Variants in STK10 observed in about 807,000 individuals in gnomAD.
The protein encoded by STK10 is serine/threonine-protein kinase 10.
A neutral mutation model predicts 113.8 loss-of-function variants in STK10; 78 were observed. The observed-to-expected ratio is 0.69, with a 90% CI of 0.57 to 0.83. STK10 has a LOEUF of 0.83. Ranked by LOEUF, STK10 falls within the 40% of genes least tolerant of loss-of-function variation. STK10 has a pLI of 0.00. For missense variants in STK10, 1,109 were observed against 1,280.1 expected, an observed-to-expected ratio of 0.87 and a Z score of 2.04; for synonymous variants, 465 against 494.7, an observed-to-expected ratio of 0.94 and a Z score of 0.80.
chr5:172,174,450 G>C (rs910999955), intron 1 of STK10, among the ~76,000 whole-genome samples: 2 of 152,082 alleles, frequency 1.3e-5, no homozygotes, highest in Non-Finnish European at 2.9e-5. Flanking sequence ...GGGATTACAG[G>C]TATGAGCGAG....
chr5:172,148,503 C>T (rs545236107), intron 2 of STK10, among the ~76,000 whole-genome samples: 44 of 152,336 alleles, frequency 2.9e-4, no homozygotes, highest in Admixed American at 4.6e-4. Flanking sequence ...ATTCCAACAG[C>T]GGGATCCCAG....
intron 13 of STK10, among the ~76,000 whole-genome samples, chr5:172,061,942 G>A (rs1767945300): frequency 6.6e-6 from 1 of 151,802 alleles, no homozygotes; most frequent in Non-Finnish European, 1.5e-5. Context: ...CAGGTATATG[G>A]TAGTTCATTA....
At position 172,043,108 on chromosome 5, in the gene STK10, T is replaced by C. The variant is rs914457826; in HGVS notation, c.*1774A>G. 7.9e-5 allele frequency: 12 copies of C among 151,670 alleles called. No homozygotes were observed. Among genetic ancestry groups the C allele is most frequent in the African/African-American group, 2.2e-4 (9 of 41,234 alleles). 9.4% of individuals were successfully genotyped at this position (151,670 alleles called of 1,614,324 possible). ...TCAAAGAATTTTTTTTTTTTTTTTT[T>C]TTGAGAGACAGAGTCTCGCCCTGTC... On this transcript the variant is annotated 3_prime_UTR_variant, in exon 19 of 19. Coordinates refer to ENST00000176763, the MANE Select transcript of STK10 (RefSeq NM_005990.4).
rs549369531 is a variant in STK10, at chr5:172,114,691, G to C, written c.520+2790C>G. On this transcript the variant is annotated intron_variant, in intron 4 of 18. Transcript: ENST00000176763. ...GTAGAGATGGGATTTCACCGTGTTA[G>C]CCAGGATGGTCTTGATCTCCTGACC... The C allele has an allele frequency of 2.0e-5, 3 of 151,410 alleles. No individual in the cohort carries two copies. The East Asian group carries it at 5.8e-4, about 29-fold the overall frequency. 9.4% of individuals were successfully genotyped at this position (151,410 alleles called of 1,614,324 possible).
chr5:172,147,412 G>A (rs1770107733), intron 2 of STK10, among the ~76,000 whole-genome samples: 2 of 149,832 alleles, frequency 1.3e-5, no homozygotes, highest in Admixed American at 6.6e-5. Context: ...TTTTTTTTGA[G>A]ACAGAGTCTT....
chr5:172,112,995 G>C (rs1050399469), intron 4 of STK10, among the ~76,000 whole-genome samples: 2 of 150,840 alleles, frequency 1.3e-5, no homozygotes, highest in African/African-American at 4.9e-5. Flanking sequence ...TGATCCACCT[G>C]CCTCGGCCTC....
chr5:172,055,726 C>G lies in STK10; in HGVS notation c.2388G>C (p.Lys796Asn). 6.3e-7 allele frequency: 1 copy of G among 1,580,002 alleles called. No homozygotes were observed. The highest frequency in any genetic ancestry group is 8.6e-7 in the Non-Finnish European group (1 of 1,160,014). Residue 796 changes from lysine (K) to asparagine (N), a missense_variant, in exon 16 of 19, where the codon AAG (lysine) becomes AAC (asparagine). Lys to Asn is a moderately conservative substitution (Grantham distance 94). Around this residue, in one of 5 missense-constraint regions of STK10, gnomAD observed 885 missense variants for 991.1 expected, o/e 0.89. Coordinates refer to ENST00000176763, the MANE Select transcript of STK10 (RefSeq NM_005990.4). Reference protein sequence around the residue: ...RYNQRMIEQLKVRQQQEKARL... With the variant: ...RYNQRMIEQLNVRQQQEKARL... Reference sequence around the variant, plus strand: ...GCGCCTTTTCCTGTTGCTGCCGCACCTTCAGCTGCTCTATCATGCGCTGGT... The same window carrying G: ...GCGCCTTTTCCTGTTGCTGCCGCACGTTCAGCTGCTCTATCATGCGCTGGT...
intron 3 of STK10, among the ~76,000 whole-genome samples, chr5:172,125,071 G>T (rs1457087449): frequency 1.3e-5 from 2 of 152,204 alleles, no homozygotes; most frequent in Non-Finnish European, 2.9e-5. Context: ...CATTGCTGGT[G>T]TGTAAGCATT....
intron 15 of STK10, 71 bp downstream of exon 15, chr5:172,057,278 A>G: frequency 6.5e-7 from 1 of 1,540,474 alleles, no homozygotes; most frequent in South Asian, 1.2e-5. Context: ...GTGCCCCATC[A>G]CATACAGCCT....
In STK10 at chr5:172,071,719, T is replaced by C. The variant is rs140788768; in HGVS notation, c.1990-6907A>G. ...TCATGTAAGGCTCCCTTTAAAAGAG[T>C]CTCCCTAGTGCCAGTCTTTGCTGTC... On this transcript the variant is annotated intron_variant, in intron 12 of 18. Coordinates refer to ENST00000176763, the MANE Select transcript of STK10 (RefSeq NM_005990.4). Among the ~76,000 whole-genome samples, 180 of 151,850 alleles carry C rather than the reference T, an allele frequency of 1.2e-3. 5 individuals carry two copies. In the East Asian group the frequency reaches 0.032, roughly 27 times the overall value.
rs757453813 is a variant in STK10 at position 172,120,960 on chromosome 5, G to T, written c.371-3330C>A. Among the ~76,000 whole-genome samples the T allele has an allele frequency of 4.6e-5, 7 of 151,918 alleles. No individual in the cohort carries two copies. Among genetic ancestry groups the T allele is most frequent in the African/African-American group, 1.5e-4 (6 of 41,340 alleles). On this transcript the variant is annotated intron_variant, in intron 3 of 18. Transcript: ENST00000176763. The surrounding 1 kb of genome is among the most constrained non-coding windows in gnomAD (Gnocchi z 4.0). Reference sequence around the variant, plus strand: ...CGGTGCATACTGTCATTTAATCCTCGCAGTAACCCAGTGAGGTGGGAAGGA... The same window carrying T: ...CGGTGCATACTGTCATTTAATCCTCTCAGTAACCCAGTGAGGTGGGAAGGA...
chr5:172,158,099 C>T (rs1770391894), intron 1 of STK10, among the ~76,000 whole-genome samples: 1 of 152,088 alleles, frequency 6.6e-6, no homozygotes, highest in Admixed American at 6.6e-5. Flanking sequence ...ACTAAGATGG[C>T]TATAATTTTA....
At chr5:172,180,572 CTT>C (rs1456118822) in intron 1 of STK10, among the ~76,000 whole-genome samples, 9 of 152,020 alleles carry the variant, frequency 5.9e-5, no homozygotes, top group Non-Finnish European at 4.4e-5. Flanking sequence ...AGGCGGATCA[CTT>C]GAGGTCAGGA....
intron 1 of STK10, among the ~76,000 whole-genome samples, chr5:172,180,964 G>A (rs758682997): frequency 7.9e-5 from 12 of 152,160 alleles, no homozygotes; most frequent in Non-Finnish European, 1.2e-4. Flanking sequence ...GGTCGTATTT[G>A]GTTACATATA....
intron 10 of STK10, among the ~76,000 whole-genome samples, chr5:172,088,548 T>TA (rs1561802311): frequency 6.6e-6 from 1 of 152,106 alleles, no homozygotes; most frequent in Admixed American, 6.6e-5. Context: ...TACATAAAAT[T>TA]AAAAAAATTT....
At chr5:172,110,952 G>A (rs1159044333) in intron 4 of STK10, among the ~76,000 whole-genome samples, 2 of 152,164 alleles carry the variant, frequency 1.3e-5, no homozygotes, top group African/African-American at 4.8e-5. Flanking sequence ...GGTCAGGAAA[G>A]CTGGCTTCTG....
intron 12 of STK10, among the ~76,000 whole-genome samples, chr5:172,069,962 T>C (rs1768140492): frequency 6.6e-6 from 1 of 152,110 alleles, no homozygotes; most frequent in South Asian, 2.1e-4. Context: ...TTAAAAAATA[T>C]ATGGGCCGGG....
intron 2 of STK10, among the ~76,000 whole-genome samples, chr5:172,146,057 G>A (rs908921668): frequency 7.3e-5 from 11 of 150,378 alleles, no homozygotes; most frequent in African/African-American, 2.0e-4. Context: ...CACAGCACAC[G>A]TCACCAACTC....
At chr5:172,125,729 G>A (rs552374705) in intron 3 of STK10, among the ~76,000 whole-genome samples, 7 of 152,292 alleles carry the variant, frequency 4.6e-5, no homozygotes, top group African/African-American at 1.7e-4. Context: ...CTTTGGTATA[G>A]CTGTTTATGC....
Sources: gnomAD v4.1 joint callset for allele counts (sites outside exome capture counted in the v4.1 genomes callset) on GRCh38, gnomAD v4.1.1 for gene constraint, gnomAD v4.1.1 regional missense constraint, Gnocchi (gnomAD v3.1) non-coding constraint, MANE v1.5 for transcripts, NCBI Gene and HGNC (gene_info 2026-07-23, HGNC 2026-07-21) for gene names.